The following LARGE1 variants were observed in gnomAD, a reference collection of about 807,000 sequenced individuals.
LARGE1 encodes LARGE xylosyl- and glucuronyltransferase 1.
Under a neutral mutation model 87.6 loss-of-function variants are expected in LARGE1, and 43 were observed. That is an observed-to-expected ratio of 0.49 (90% CI 0.38 to 0.63). LARGE1 has a LOEUF of 0.63. Ranked by LOEUF, LARGE1 falls within the 30% of genes least tolerant of loss-of-function variation. The pLI, the probability that LARGE1 is intolerant of heterozygous loss-of-function variation, is 0.00. For synonymous variants in LARGE1, 434 were observed against 394.6 expected, an observed-to-expected ratio of 1.10 and a Z score of -1.18; for missense variants, 802 against 1,000.2, an observed-to-expected ratio of 0.80 and a Z score of 2.67.
At chr22:33,163,706 GTGCATAGCTCTCA>G (rs1473471258) in exon 12 of LARGE1, 1 of 152,234 alleles carries the variant, frequency 6.6e-6, no homozygotes, top group Non-Finnish European at 1.5e-5. Flanking sequence ...TGGAGAGAGA[GTGCATAGCTCTCA>G]TGGAAAAAGT....
intron 1 of LARGE1, among the ~76,000 whole-genome samples, chr22:33,844,181 T>C (rs758747179): frequency 1.3e-5 from 2 of 152,036 alleles, no homozygotes; most frequent in South Asian, 2.1e-4. Flanking sequence ...AAAGACAGGA[T>C]ACCTCTTGAG....
the LARGE1 span, among the ~76,000 whole-genome samples, chr22:33,076,871 T>G: frequency 2.6e-5 from 4 of 152,204 alleles, no homozygotes; most frequent in Non-Finnish European, 5.9e-5. Flanking sequence ...ATTTTCTTTT[T>G]AGTGAATAGT....
intron 1 of LARGE1, among the ~76,000 whole-genome samples, chr22:33,908,933 G>A (rs540067539): frequency 1.1e-3 from 161 of 152,226 alleles, no homozygotes; most frequent in African/African-American, 3.6e-3. Context: ...TTTGCTCTCA[G>A]CTCCACGCAG....
chr22:33,880,209 G>C (rs1187969790), intron 1 of LARGE1, among the ~76,000 whole-genome samples: 1 of 152,176 alleles, frequency 6.6e-6, no homozygotes, highest in African/African-American at 2.4e-5. Flanking sequence ...TGAAGTAAAA[G>C]AATCCCACAG....
At chr22:33,116,371 T>C in the LARGE1 span, 1 of 152,200 alleles carries the variant, frequency 6.6e-6, no homozygotes, top group East Asian at 1.9e-4. Flanking sequence ...TTTGTTTTTT[T>C]TGAGACGGAG....
At chr22:33,639,096 T>C (rs1332503560) in intron 3 of LARGE1, among the ~76,000 whole-genome samples, 1 of 152,188 alleles carries the variant, frequency 6.6e-6, no homozygotes, top group African/African-American at 2.4e-5. Context: ...TCATGAAAAG[T>C]GCTTCCTTTC....
At chr22:33,536,630 C>T (rs141276307) in intron 6 of LARGE1, among the ~76,000 whole-genome samples, 27 of 152,308 alleles carry the variant, frequency 1.8e-4, no homozygotes, top group African/African-American at 5.5e-4. Flanking sequence ...CCTTATGATG[C>T]GTCACAGAGT....
chr22:33,335,395 C>T (rs1938320242), intron 10 of LARGE1, among the ~76,000 whole-genome samples: 1 of 152,118 alleles, frequency 6.6e-6, no homozygotes, highest in Non-Finnish European at 1.5e-5. Context: ...AGTGGCGATC[C>T]ACTGTGACTT....
chr22:33,400,261 T>C (rs1296254927), intron 7 of LARGE1, among the ~76,000 whole-genome samples: 1 of 152,222 alleles, frequency 6.6e-6, no homozygotes, highest in African/African-American at 2.4e-5. Flanking sequence ...TGCAGCTGTA[T>C]AGCAGGAACA....
At chr22:33,702,308 T>G (rs2082424270) in intron 2 of LARGE1, among the ~76,000 whole-genome samples, 2 of 152,210 alleles carry the variant, frequency 1.3e-5, no homozygotes, top group Admixed American at 1.3e-4. Flanking sequence ...CTGGGGCTCA[T>G]GTGTCCACCA....
At chr22:33,145,762 T>A in the LARGE1 span, among the ~76,000 whole-genome samples, 1 of 152,224 alleles carries the variant, frequency 6.6e-6, no homozygotes, top group African/African-American at 2.4e-5. Flanking sequence ...CCCTCTAGTA[T>A]CATTCAATGG....
At chr22:33,335,487 C>G (rs1168946925) in intron 10 of LARGE1, among the ~76,000 whole-genome samples, 2 of 152,196 alleles carry the variant, frequency 1.3e-5, no homozygotes, top group Admixed American at 6.5e-5. Flanking sequence ...TGCCTCTGGT[C>G]CTTCCACAGG....
chr22:33,191,063 G>A (rs1379282328), intron 11 of LARGE1, among the ~76,000 whole-genome samples: 1 of 152,156 alleles, frequency 6.6e-6, no homozygotes, highest in African/African-American at 2.4e-5. Flanking sequence ...TTTCTTCAAT[G>A]TGGTATCTTA....
chr22:33,322,818 T>C (rs149462259), intron 10 of LARGE1: 10 of 151,818 alleles, frequency 6.6e-5, no homozygotes, highest in Admixed American at 1.3e-4. Context: ...CCAACCACAG[T>C]GGGTATTGTA....
chr22:33,807,756 A>C (rs186739645), intron 1 of LARGE1, among the ~76,000 whole-genome samples: 1 of 152,248 alleles, frequency 6.6e-6, no homozygotes, highest in South Asian at 2.1e-4. Flanking sequence ...GAAAACAGTA[A>C]GTAGCCTTTT....
At chr22:33,700,417 G>A (rs1029195812) in intron 2 of LARGE1, among the ~76,000 whole-genome samples, 8 of 152,312 alleles carry the variant, frequency 5.3e-5, no homozygotes, top group Middle Eastern at 3.4e-3. Flanking sequence ...GGCACTATGC[G>A]GAAGGCTGAA....
intron 9 of LARGE1, among the ~76,000 whole-genome samples, chr22:33,358,847 A>T (rs958342239): frequency 6.6e-6 from 1 of 151,824 alleles, no homozygotes. Flanking sequence ...AACAACAAAA[A>T]ATTAGCCAGG....
intron 11 of LARGE1, among the ~76,000 whole-genome samples, chr22:33,223,336 G>A (rs1925552566): frequency 6.6e-6 from 1 of 152,200 alleles, no homozygotes; most frequent in African/African-American, 2.4e-5. Context: ...TACCTCACGT[G>A]GTGCCTGCCA....
intron 6 of LARGE1, among the ~76,000 whole-genome samples, chr22:33,469,721 G>A (rs1045798817): frequency 6.6e-6 from 1 of 151,562 alleles, no homozygotes; most frequent in East Asian, 2.0e-4. Flanking sequence ...CCAGCTACTC[G>A]AGAGGCTAAG....
Sources: allele counts gnomAD v4.1 joint callset (sites outside exome capture counted in the v4.1 genomes callset), GRCh38; gene constraint gnomAD v4.1.1; transcripts MANE v1.5; gene names NCBI Gene and HGNC (gene_info 2026-07-23, HGNC 2026-07-21).